PHF24: variants seen among roughly 807,000 people sequenced by gnomAD.
PHF24 encodes the protein Galpha inhibitory interacting protein.
A neutral mutation model predicts 42.6 loss-of-function variants in PHF24; 25 were observed. That is an observed-to-expected ratio of 0.59 (90% CI 0.43 to 0.82). PHF24 has a LOEUF of 0.82. Ranked by LOEUF, PHF24 falls within the 40% of genes least tolerant of loss-of-function variation. The pLI is 0.00. For missense variants in PHF24, 470 were observed against 538.1 expected (o/e 0.87, Z 1.25); for synonymous variants, 185 against 204.8 (o/e 0.90, Z 0.83).
the PHF24 span, among the ~76,000 whole-genome samples, chr9:34,731,330 T>C: frequency 1.3e-5 from 2 of 152,240 alleles, no homozygotes; most frequent in African/African-American, 2.4e-5. Context: ...TAAATTATTA[T>C]TGACTGTAAC....
chr9:34,722,834 G>C, the PHF24 span, among the ~76,000 whole-genome samples: 1 of 152,168 alleles, frequency 6.6e-6, no homozygotes. Flanking sequence ...TGGGACAGTG[G>C]AAAATATTCT....
chr9:34,920,937 T>C, the PHF24 span, among the ~76,000 whole-genome samples: 23 of 152,216 alleles, frequency 1.5e-4, no homozygotes, highest in Non-Finnish European at 2.9e-4. Flanking sequence ...GATTATATCA[T>C]CTGCAAACAA....
At chr9:34,831,152 G>A in the PHF24 span, among the ~76,000 whole-genome samples, 1 of 152,284 alleles carries the variant, frequency 6.6e-6, no homozygotes, top group Middle Eastern at 3.4e-3. Flanking sequence ...CAGAAATGCA[G>A]TGGGACACAA....
At chr9:34,706,812 G>A in the PHF24 span, among the ~76,000 whole-genome samples, 2 of 152,054 alleles carry the variant, frequency 1.3e-5, no homozygotes, top group Admixed American at 6.6e-5. Context: ...GACGTCAAAG[G>A]CCTTTTGTAA....
chr9:34,704,197 TTTC>T, the PHF24 span, among the ~76,000 whole-genome samples: 5 of 135,870 alleles, frequency 3.7e-5, no homozygotes, highest in African/African-American at 1.0e-4. Flanking sequence ...TGGCTAATTC[TTTC>T]TTTTTTTTTT....
At chr9:34,908,184 T>A in the PHF24 span, among the ~76,000 whole-genome samples, 1 of 152,204 alleles carries the variant, frequency 6.6e-6, no homozygotes, top group African/African-American at 2.4e-5. Context: ...CTCTTCTAGC[T>A]TATGGAACTA....
the PHF24 span, among the ~76,000 whole-genome samples, chr9:34,824,036 A>G: frequency 6.6e-6 from 1 of 152,170 alleles, no homozygotes; most frequent in African/African-American, 2.4e-5. Flanking sequence ...CCCACATTGG[A>G]AAGGACCACA....
At chr9:34,803,837 T>C in the PHF24 span, among the ~76,000 whole-genome samples, 1 of 152,160 alleles carries the variant, frequency 6.6e-6, no homozygotes, top group Non-Finnish European at 1.5e-5. Context: ...GCCTCAGCAA[T>C]AATATGCAGC....
the PHF24 span, among the ~76,000 whole-genome samples, chr9:34,706,615 G>A: frequency 1.3e-5 from 2 of 152,198 alleles, no homozygotes; most frequent in Non-Finnish European, 2.9e-5. Context: ...TGATCTGATG[G>A]AATAAATAAT....
chr9:34,792,581 G>A, the PHF24 span, among the ~76,000 whole-genome samples: 16 of 152,174 alleles, frequency 1.1e-4, no homozygotes, highest in South Asian at 3.1e-3. Context: ...TGAGGCAGGA[G>A]AATCGCTTGA....
chr9:34,722,796 T>G, the PHF24 span, among the ~76,000 whole-genome samples: 1 of 152,314 alleles, frequency 6.6e-6, no homozygotes, highest in East Asian at 1.9e-4. Context: ...TTACTATGCA[T>G]TAGCCACTCT....
At chr9:34,784,851 G>A in the PHF24 span, among the ~76,000 whole-genome samples, 1 of 152,174 alleles carries the variant, frequency 6.6e-6, no homozygotes, top group Non-Finnish European at 1.5e-5. Flanking sequence ...TTACACTAAG[G>A]ATCATTTATA....
At chr9:34,917,366 C>T in the PHF24 span, 6 of 782,972 alleles carry the variant, frequency 7.7e-6, no homozygotes, top group African/African-American at 6.7e-5. Flanking sequence ...ATTTTGATGG[C>T]TCTATAGTAC....
the PHF24 span, among the ~76,000 whole-genome samples, chr9:34,734,066 C>T: frequency 1.3e-5 from 2 of 152,114 alleles, no homozygotes; most frequent in African/African-American, 4.8e-5. Context: ...ATCACACATA[C>T]AAGAAGAAAA....
the PHF24 span, among the ~76,000 whole-genome samples, chr9:34,706,474 A>T: frequency 6.6e-6 from 1 of 152,196 alleles, no homozygotes; most frequent in Non-Finnish European, 1.5e-5. Context: ...GTACTTTTGG[A>T]TATATTTTTT....
the PHF24 span, among the ~76,000 whole-genome samples, chr9:34,845,222 A>T: frequency 6.6e-6 from 1 of 152,194 alleles, no homozygotes; most frequent in African/African-American, 2.4e-5. Flanking sequence ...CTGTAAAGGA[A>T]AAGTGATTCT....
At chr9:34,838,283 C>T in the PHF24 span, 2 of 695,484 alleles carry the variant, frequency 2.9e-6, no homozygotes, top group Non-Finnish European at 5.3e-6. Context: ...TAAGGAAGGA[C>T]TCTGGAGCTT....
chr9:34,914,585 T>C, the PHF24 span, among the ~76,000 whole-genome samples: 1 of 152,176 alleles, frequency 6.6e-6, no homozygotes, highest in South Asian at 2.1e-4. Context: ...TGTATCCTTA[T>C]ACAACAGAAA....
the PHF24 span, chr9:34,889,273 G>A: frequency 2.5e-6 from 1 of 398,576 alleles, no homozygotes; most frequent in Non-Finnish European, 4.4e-6. Flanking sequence ...AGTGGCACAA[G>A]TCATTTGAGG....
Sources: allele counts gnomAD v4.1 joint callset (sites outside exome capture counted in the v4.1 genomes callset), GRCh38; gene constraint gnomAD v4.1.1; transcripts MANE v1.5; gene names NCBI Gene and HGNC (gene_info 2026-07-23, HGNC 2026-07-21).